Variants in KCNIP4 observed in about 807,000 individuals in gnomAD.
The protein encoded by KCNIP4 is Kv channel-interacting protein 4.
Under a neutral mutation model 34.0 loss-of-function variants are expected in KCNIP4, and 12 were observed. The ratio of observed to expected loss-of-function variants is 0.35; its 90% CI spans 0.23 to 0.57. The LOEUF (loss-of-function observed/expected upper bound fraction) is 0.57. Ranked by LOEUF, KCNIP4 falls within the 20% of genes least tolerant of loss-of-function variation. The probability of loss-of-function intolerance (pLI) is 0.83; values close to 1 mark genes in which losing one functional copy is unlikely to be tolerated. For missense variants in KCNIP4, 238 were observed against 311.7 expected, an observed-to-expected ratio of 0.76 and a Z score of 1.78; for synonymous variants, 124 against 102.2, an observed-to-expected ratio of 1.21 and a Z score of -1.29.
intron 1 of KCNIP4, among the ~76,000 whole-genome samples, chr4:20,997,055 C>A (rs1274149767): frequency 7.4e-6 from 1 of 135,588 alleles, no homozygotes; most frequent in Non-Finnish European, 1.6e-5. Flanking sequence ...AGGGAGAATT[C>A]ATTAGACTAG....
At chr4:21,706,510 G>A (rs187059385) in intron 1 of KCNIP4, among the ~76,000 whole-genome samples, 90 of 152,276 alleles carry the variant, frequency 5.9e-4, no homozygotes, top group African/African-American at 2.1e-3. Context: ...TTGCATTTTG[G>A]AGGAAATGTT....
chr4:21,383,452 T>C (rs1169256046), intron 1 of KCNIP4, among the ~76,000 whole-genome samples: 2 of 141,146 alleles, frequency 1.4e-5, no homozygotes, highest in African/African-American at 5.3e-5. Context: ...AAATGATCAC[T>C]GGAGAAATGT....
At chr4:21,807,372 T>A (rs1226722138) in intron 1 of KCNIP4, among the ~76,000 whole-genome samples, 1 of 152,106 alleles carries the variant, frequency 6.6e-6, no homozygotes, top group East Asian at 1.9e-4. Flanking sequence ...AATTTACACA[T>A]CTCCATGAAG....
intron 1 of KCNIP4, among the ~76,000 whole-genome samples, chr4:21,917,337 A>G (rs2108990790): frequency 6.6e-6 from 1 of 152,068 alleles, no homozygotes; most frequent in South Asian, 2.1e-4. Flanking sequence ...GGGTTTCACT[A>G]TGTTAGCCAG....
rs551835666 is a variant in KCNIP4, at chr4:21,862,817, C to T, written c.61+85754G>A. Among the ~76,000 whole-genome samples the T allele has an allele frequency of 2.3e-3, 344 of 152,096 alleles. 1 individual carries two copies. The highest frequency in any genetic ancestry group is 7.8e-3 in the African/African-American group (325 of 41,538). ...TCTACTAAAAATACAAAAAATTAGC[C>T]GGGCGTGGTGGCAGGCACCTGTAGT... is the stretch of plus-strand genomic sequence containing the variant. On this transcript the variant is annotated intron_variant, in intron 1 of 8. Transcript: ENST00000382152.
At chr4:21,358,225 G>A (rs1284407960) in intron 1 of KCNIP4, among the ~76,000 whole-genome samples, 2 of 152,030 alleles carry the variant, frequency 1.3e-5, no homozygotes, top group Non-Finnish European at 2.9e-5. Flanking sequence ...TGTAAATGAC[G>A]AGTTGATGTG....
At chr4:21,018,989 G>A (rs571606298) in intron 1 of KCNIP4, among the ~76,000 whole-genome samples, 1 of 152,262 alleles carries the variant, frequency 6.6e-6, no homozygotes, top group East Asian at 1.9e-4. Context: ...AACCACAGAA[G>A]TGTATTTTCT....
intron 1 of KCNIP4, among the ~76,000 whole-genome samples, chr4:21,627,002 G>T (rs1054255619): frequency 1.3e-5 from 2 of 152,058 alleles, no homozygotes; most frequent in Non-Finnish European, 2.9e-5. Context: ...GTCACTTTTA[G>T]TCCTTTTTCC....
intron 1 of KCNIP4, among the ~76,000 whole-genome samples, chr4:20,977,111 G>A (rs1735567309): frequency 6.6e-6 from 1 of 152,142 alleles, no homozygotes; most frequent in Non-Finnish European, 1.5e-5. Flanking sequence ...GGGATTATAG[G>A]TGTGAGCCAC....
At chr4:21,126,160 G>A (rs4697206) in intron 1 of KCNIP4, among the ~76,000 whole-genome samples, 103,665 of 151,814 alleles carry the variant, frequency 0.68, 35,936 homozygotes, top group African/African-American at 0.79. Flanking sequence ...TAAACACAAC[G>A]TCAAAGATTC....
At chr4:21,424,597 AAG>A (rs1372105697) in intron 1 of KCNIP4, among the ~76,000 whole-genome samples, 3 of 145,318 alleles carry the variant, frequency 2.1e-5, no homozygotes, top group African/African-American at 7.4e-5. Context: ...GAAAGAAAGA[AAG>A]AGAGAAAAAG....
intron 3 of KCNIP4, among the ~76,000 whole-genome samples, chr4:20,836,874 T>G (rs1157153816): frequency 6.6e-6 from 1 of 151,760 alleles, no homozygotes; most frequent in Non-Finnish European, 1.5e-5. Context: ...GTTCTCTCTT[T>G]TTTTTTTTCC....
At chr4:21,179,474 C>A (rs185207434) in intron 1 of KCNIP4, among the ~76,000 whole-genome samples, 4 of 152,194 alleles carry the variant, frequency 2.6e-5, no homozygotes, top group Admixed American at 6.5e-5. Flanking sequence ...CAGTGGTCAA[C>A]AATATAGGTT....
At chr4:21,789,070 CAAAAAAAAA>C (rs35630701) in intron 1 of KCNIP4, among the ~76,000 whole-genome samples, 5 of 93,942 alleles carry the variant, frequency 5.3e-5, no homozygotes, top group African/African-American at 2.0e-4. Flanking sequence ...GAGATTCTGT[CAAAAAAAAA>C]AAAAAAAAAA....
At chr4:21,117,660 G>C (rs969898963) in intron 1 of KCNIP4, among the ~76,000 whole-genome samples, 10 of 152,072 alleles carry the variant, frequency 6.6e-5, no homozygotes, top group Admixed American at 3.3e-4. Context: ...CGTGGACAGG[G>C]GCCGTGTTGG....
At chr4:20,927,002 C>T (rs1729967821) in intron 1 of KCNIP4, among the ~76,000 whole-genome samples, 1 of 152,022 alleles carries the variant, frequency 6.6e-6, no homozygotes, top group Admixed American at 6.6e-5. Context: ...GAGATGGAGT[C>T]TCGAGTCTCG....
chr4:21,010,305 G>A (rs1328438817), intron 1 of KCNIP4, among the ~76,000 whole-genome samples: 1 of 152,164 alleles, frequency 6.6e-6, no homozygotes, highest in Non-Finnish European at 1.5e-5. Flanking sequence ...ACTATAAAGT[G>A]ATGTCTCCAA....
chr4:21,704,228 A>G (rs1015532658), intron 1 of KCNIP4, among the ~76,000 whole-genome samples: 32 of 151,716 alleles, frequency 2.1e-4, no homozygotes, highest in African/African-American at 7.2e-4. Context: ...AAAGTTTTAG[A>G]AAAAAAAAGA....
chr4:21,287,620 G>A (rs1002438573), intron 1 of KCNIP4, among the ~76,000 whole-genome samples: 1 of 152,156 alleles, frequency 6.6e-6, no homozygotes, highest in African/African-American at 2.4e-5. Flanking sequence ...AGTTACTTAC[G>A]TAAGGAAGTT....
Sources: allele counts gnomAD v4.1 joint callset (sites outside exome capture counted in the v4.1 genomes callset), GRCh38; gene constraint gnomAD v4.1.1; transcripts MANE v1.5; gene names NCBI Gene and HGNC (gene_info 2026-07-23, HGNC 2026-07-21).